The following PMPCA variants were observed in gnomAD, a reference collection of about 807,000 sequenced individuals.
PMPCA encodes mitochondrial-processing peptidase subunit alpha.
PMPCA carries 47 observed loss-of-function variants against 59.3 expected under a neutral mutation model. The ratio of observed to expected loss-of-function variants is 0.79; its 90% CI spans 0.63 to 1.01. The LOEUF is 1.01. Ranked by LOEUF, PMPCA falls within the 50% of genes least tolerant of loss-of-function variation. The pLI, the probability that PMPCA is intolerant of heterozygous loss-of-function variation, is 0.00. For missense variants in PMPCA, 726 were observed against 704.5 expected, an observed-to-expected ratio of 1.03 and a Z score of -0.34; for synonymous variants, 338 against 290.3, an observed-to-expected ratio of 1.16 and a Z score of -1.67.
chr9:136,411,680 G>T (rs544536027), intron 1 of PMPCA, among the ~76,000 whole-genome samples: 18 of 152,368 alleles, frequency 1.2e-4, no homozygotes, highest in Admixed American at 4.6e-4. Flanking sequence ...CAAGACTTCG[G>T]TGGTGCTGTT....
At chr9:136,414,751 G>A (rs1835228586) in intron 5 of PMPCA, 104 bp downstream of exon 5, 1 of 740,526 alleles carries the variant, frequency 1.4e-6, no homozygotes, top group African/African-American at 1.7e-5. Flanking sequence ...CATGTAATTG[G>A]AGCTTTAGGC....
At chr9:136,419,318 A>G in intron 11 of PMPCA, 1 of 624,328 alleles carries the variant, frequency 1.6e-6, no homozygotes, top group Non-Finnish European at 2.9e-6. Context: ...CCTGGTCCAA[A>G]CCCCGAAAAC....
intron 11 of PMPCA, among the ~76,000 whole-genome samples, chr9:136,421,404 GTTTT>G (rs57128281): frequency 5.9e-5 from 7 of 117,996 alleles, no homozygotes; most frequent in East Asian, 2.6e-4. Context: ...CTGGGTTCCC[GTTTT>G]TTTTTTTTTT....
At position 136,423,239 on chromosome 9, in the gene PMPCA, C is replaced by T. The variant is rs1835513087; in HGVS notation, c.1553C>T (p.Pro518Leu). Reference sequence around the variant, plus strand: ...CTGTCGAGTAAGGACGGGCGCCTGCCCAGGACGTACCGGCTCTTCCGGTAG... The same window carrying T: ...CTGTCGAGTAAGGACGGGCGCCTGCTCAGGACGTACCGGCTCTTCCGGTAG... Reference protein sequence around the residue: ...TALSSKDGRLPRTYRLFR With the variant: ...TALSSKDGRLLRTYRLFR Residue 518 changes from proline to leucine, a missense_variant, in exon 13 of 13, where the codon CCC becomes CTC. By Grantham distance (98) the Pro-to-Leu change is moderately conservative. Coordinates refer to ENST00000371717, the MANE Select transcript of PMPCA (RefSeq NM_015160.3). 5 of 1,612,904 alleles carry T rather than the reference C, an allele frequency of 3.1e-6. No homozygotes were observed. Among genetic ancestry groups the T allele is most frequent in the South Asian group, 1.1e-5 (1 of 91,084 alleles).
intron 11 of PMPCA, 66 bp downstream of exon 11, chr9:136,419,172 A>G (rs761543501): frequency 2.2e-6 from 3 of 1,379,006 alleles, no homozygotes; most frequent in Admixed American, 3.3e-5. Flanking sequence ...GCCACGTTGT[A>G]GGAGTGGCCA....
chr9:136,422,886 G>A, intron 12 of PMPCA: 1 of 1,384,622 alleles, frequency 7.2e-7, no homozygotes, highest in Non-Finnish European at 9.4e-7. Flanking sequence ...TCATTGCCAT[G>A]TCCCCATTTA....
chr9:136,419,222 G>A (rs576339472), intron 11 of PMPCA, 116 bp downstream of exon 11: 30 of 879,348 alleles, frequency 3.4e-5, no homozygotes, highest in South Asian at 2.4e-4. Context: ...CCAAGGTCCC[G>A]GCAGGGCAGG....
At chr9:136,415,143 C>T (rs1031851596) in intron 5 of PMPCA, among the ~76,000 whole-genome samples, 3 of 152,146 alleles carry the variant, frequency 2.0e-5, no homozygotes, top group Admixed American at 6.5e-5. Flanking sequence ...TGCTGGCTCA[C>T]GCCTGTAATC....
chr9:136,412,379 CAT>C (rs1471395688), intron 2 of PMPCA, 109 bp from the exon 3 acceptor site: 10 of 749,242 alleles, frequency 1.3e-5, no homozygotes, highest in East Asian at 1.3e-4. Context: ...CAATCACCCT[CAT>C]GTAATTAAAT....
At chr9:136,411,821 G>A (rs1835126899) in intron 1 of PMPCA, among the ~76,000 whole-genome samples, 176 bp from the exon 2 acceptor site, 1 of 152,226 alleles carries the variant, frequency 6.6e-6, no homozygotes, top group South Asian at 2.1e-4. Context: ...CAGGTCCCGT[G>A]GCTGAGCCTT....
Position 136,418,458 on chromosome 9 carries a change from G to A in PMPCA, c.991-97G>A, listed in dbSNP as rs897408274. ...TCCAGCGGCGCTCCTGACGTGGCTTGGGCGACTCAGCCAGCTCTGCCCTCC... is the reference window on the plus strand; with the variant it reads ...TCCAGCGGCGCTCCTGACGTGGCTTAGGCGACTCAGCCAGCTCTGCCCTCC... On this transcript the variant is annotated intron_variant, in intron 8 of 12. Coordinates refer to ENST00000371717, the MANE Select transcript of PMPCA (RefSeq NM_015160.3). 4 of 809,050 alleles carry A rather than the reference G, an allele frequency of 4.9e-6. No individual in the cohort carries two copies. The Admixed American group carries it at 7.8e-5, about 16-fold the overall frequency. The allele number at this position is 809,050 out of a possible 1,614,324, so 50.1% of individuals were successfully genotyped here.
At chr9:136,421,037 G>T (rs1350377457) in intron 11 of PMPCA, 1 of 151,982 alleles carries the variant, frequency 6.6e-6, no homozygotes, top group Admixed American at 6.6e-5. Context: ...CAGCACCCCT[G>T]CCTGTGCCCT....
In PMPCA at chr9:136,412,219, C is replaced by A; in HGVS notation, c.274+20C>A. 1 of 1,561,244 alleles carries A rather than the reference C, an allele frequency of 6.4e-7. No individual in the cohort carries two copies. Among genetic ancestry groups the A allele is most frequent in the South Asian group, 1.1e-5 (1 of 89,748 alleles). ...TAGGAAGTAAGTACTGTTGTGTTGT[C>A]GTGGGTGGTCCCGCAGTTTTAACAT... On this transcript the variant is annotated intron_variant, in intron 2 of 12. Coordinates refer to ENST00000371717, the MANE Select transcript of PMPCA (RefSeq NM_015160.3).
At chr9:136,416,185 G>A in intron 5 of PMPCA, 106 bp from the exon 6 acceptor site, 2 of 797,334 alleles carry the variant, frequency 2.5e-6, no homozygotes, top group Non-Finnish European at 4.3e-6. Flanking sequence ...ACTGCCAACA[G>A]CCACCAACAG....
At position 136,423,269 on chromosome 9, in the gene PMPCA, G is replaced by A. The variant is rs769661174; in HGVS notation, c.*5G>A. The A allele has an allele frequency of 8.7e-6, 14 of 1,608,510 alleles. No individual in the cohort carries two copies. The highest frequency in any genetic ancestry group is 1.7e-4 in the Middle Eastern group (1 of 6,004). ...ACGTACCGGCTCTTCCGGTAGAACC[G>A]CTCCCCGGCCTGACAGACCCAGGGA... On this transcript the variant is annotated 3_prime_UTR_variant, in exon 13 of 13. Coordinates refer to ENST00000371717, the MANE Select transcript of PMPCA (RefSeq NM_015160.3).
At chr9:136,421,416 T>TTTTTTTG (rs1835446695) in intron 11 of PMPCA, among the ~76,000 whole-genome samples, 1 of 148,028 alleles carries the variant, frequency 6.8e-6, no homozygotes. Flanking sequence ...TTTTTTTTTT[T>TTTTTTTG]TTTTTTTTTT....
chr9:136,412,816 G>A lies in PMPCA; in HGVS notation c.361G>A (p.Ala121Thr). Residue 121 changes from alanine to threonine, a missense_variant, in exon 4 of 13, where the codon GCT (alanine) becomes ACT (threonine). Coordinates refer to ENST00000371717, the MANE Select transcript of PMPCA (RefSeq NM_015160.3). ...CCTTATTTATTTTTACTAGTCTACT[G>A]CTCGATTTGACAGCAAAGATGAAAT... ...FLEKLAFSST[A>T]RFDSKDEILL... 6.3e-7 allele frequency: 1 copy of A among 1,591,460 alleles called. No individual in the cohort carries two copies. Among genetic ancestry groups the A allele is most frequent in the Non-Finnish European group, 8.6e-7 (1 of 1,159,520 alleles).
chr9:136,417,333 C>T (rs1835311161), intron 7 of PMPCA, 119 bp downstream of exon 7: 2 of 776,556 alleles, frequency 2.6e-6, no homozygotes, highest in African/African-American at 1.7e-5. Flanking sequence ...TGTAGCTTTG[C>T]CTTAACACAT....
At chr9:136,411,535 C>G (rs1356867204) in intron 1 of PMPCA, 1 of 183,696 alleles carries the variant, frequency 5.4e-6, no homozygotes. Flanking sequence ...CAAATGTGTT[C>G]CAGGAATTGA....
Sources: gnomAD v4.1 joint callset for allele counts (sites outside exome capture counted in the v4.1 genomes callset) on GRCh38, gnomAD v4.1.1 for gene constraint, MANE v1.5 for transcripts, NCBI Gene and HGNC (gene_info 2026-07-23, HGNC 2026-07-21) for gene names.